The following LYPD6B variants were observed in gnomAD, a reference collection of about 807,000 sequenced individuals.
LYPD6B encodes ly6/PLAUR domain-containing protein 6B.
In LYPD6B, 17 loss-of-function variants were observed where a neutral mutation model predicts 22.8. The observed-to-expected ratio is 0.75, with a 90% CI of 0.51 to 1.12. The LOEUF (loss-of-function observed/expected upper bound fraction) is 1.12, where lower values mean the gene tolerates loss of function less well. LYPD6B is among the 50% of genes most tolerant of loss of function. The pLI, the probability that LYPD6B is intolerant of heterozygous loss-of-function variation, is 0.00. For synonymous variants in LYPD6B, 106 were observed against 91.6 expected (o/e 1.16, Z -0.90); for missense variants, 221 against 258.3 (o/e 0.86, Z 0.99).
chr2:149,211,771 G>A (rs1693868909), intron 5 of LYPD6B, among the ~76,000 whole-genome samples: 1 of 152,080 alleles, frequency 6.6e-6, no homozygotes, highest in African/African-American at 2.4e-5. Flanking sequence ...TGTAGTCTCT[G>A]ATCAGTAAAC....
At chr2:149,191,689 T>C (rs1480215679) in intron 3 of LYPD6B, among the ~76,000 whole-genome samples, 2 of 152,204 alleles carry the variant, frequency 1.3e-5, no homozygotes, top group Non-Finnish European at 2.9e-5. Flanking sequence ...TAATTTACAA[T>C]GCAGCCTTTT....
At position 149,205,330 on chromosome 2, in the gene LYPD6B, A is replaced by C; in HGVS notation, c.155A>C (p.Gln52Pro). The change falls in exon 4 of 7, where the codon CAG becomes CCG. Residue 52 changes from glutamine to proline, a missense_variant. Physicochemically the swap from Gln to Pro is moderately conservative, Grantham distance 76. Transcript: ENST00000409642. ...CACGCTCTCGCTATAGCTGTTGTCC[A>C]GATCGTTATCTTCTCAGAAAGCTGG... is the stretch of plus-strand genomic sequence containing the variant. The part of the protein sequence containing the change: ...LCHALAIAVV[Q>P]IVIFSESWAF... 2 of 1,614,056 alleles carry C rather than the reference A, an allele frequency of 1.2e-6. No homozygotes were observed. The highest frequency in any genetic ancestry group is 1.7e-6 in the Non-Finnish European group (2 of 1,179,882).
intron 1 of LYPD6B, among the ~76,000 whole-genome samples, chr2:149,091,631 T>G (rs1685656660): frequency 6.6e-6 from 1 of 152,106 alleles, no homozygotes; most frequent in Non-Finnish European, 1.5e-5. Context: ...ATTCTTTTTT[T>G]TTTTAAGTAG....
chr2:149,120,549 A>T (rs1687278323), intron 1 of LYPD6B, among the ~76,000 whole-genome samples: 2 of 147,024 alleles, frequency 1.4e-5, no homozygotes, highest in East Asian at 2.0e-4. Flanking sequence ...CACATGCCTA[A>T]TTTTTTTGTA....
intron 1 of LYPD6B, among the ~76,000 whole-genome samples, chr2:149,103,560 G>C (rs560953469): frequency 7.2e-5 from 11 of 152,196 alleles, no homozygotes; most frequent in African/African-American, 2.6e-4. Context: ...ATGTAGTATA[G>C]ATCTGTGAAA....
At chr2:149,123,463 GT>G (rs1167561992) in intron 1 of LYPD6B, among the ~76,000 whole-genome samples, 6 of 152,018 alleles carry the variant, frequency 3.9e-5, no homozygotes, top group Non-Finnish European at 8.8e-5. Flanking sequence ...AGATCTGTAC[GT>G]AACTAAAGTT....
At chr2:149,181,847 TCAA>T (rs1691745051) in intron 3 of LYPD6B, among the ~76,000 whole-genome samples, 1 of 152,202 alleles carries the variant, frequency 6.6e-6, no homozygotes, top group Non-Finnish European at 1.5e-5. Context: ...TATTTTTCAT[TCAA>T]CAATATCCTT....
intron 4 of LYPD6B, 82 bp from the exon 5 acceptor site, chr2:149,208,232 G>A (rs893082731): frequency 1.1e-6 from 1 of 890,544 alleles, no homozygotes; most frequent in Non-Finnish European, 1.9e-6. Flanking sequence ...ATCTGTTAAA[G>A]TTGCTCATTT....
At chr2:149,092,804 A>G (rs754307830) in intron 1 of LYPD6B, among the ~76,000 whole-genome samples, 1 of 152,202 alleles carries the variant, frequency 6.6e-6, no homozygotes, top group South Asian at 2.1e-4. Flanking sequence ...GACCAGTAAG[A>G]TAACAGTAAC....
chr2:149,186,213 G>A (rs1389693413), intron 3 of LYPD6B, among the ~76,000 whole-genome samples: 1 of 152,238 alleles, frequency 6.6e-6, no homozygotes, highest in Non-Finnish European at 1.5e-5. Flanking sequence ...GAATACAAGG[G>A]AGAAGTTCTT....
At position 149,197,563 on chromosome 2, in the gene LYPD6B, C is replaced by T. The variant is rs150230971; in HGVS notation, c.78-7690C>T. Among the ~76,000 whole-genome samples, 384 of 152,186 alleles carry T rather than the reference C, an allele frequency of 2.5e-3. 3 individuals are homozygous for T. The highest frequency in any genetic ancestry group is 4.4e-3 in the Non-Finnish European group (302 of 67,982). On this transcript the variant is annotated intron_variant, in intron 3 of 6. Coordinates refer to ENST00000409642, the MANE Select transcript of LYPD6B (RefSeq NM_177964.5). The stretch of plus-strand genomic sequence containing the variant: ...TGGATGCATCTGGAGGTCCTCAAAA[C>T]GAATTTCAGGTGTTATTCATATGTT...
chr2:149,060,758 G>A (rs1417357407), intron 1 of LYPD6B, among the ~76,000 whole-genome samples: 2 of 152,254 alleles, frequency 1.3e-5, no homozygotes, highest in East Asian at 1.9e-4. Flanking sequence ...TCCTATAGTA[G>A]GAGGAGCTAC....
chr2:149,073,928 A>G lies in LYPD6B; in HGVS notation c.-67+35127A>G, dbSNP rs547563259. ...CAGGGTGACGGCTGTACGAAAGGAGAAGGAGGACAGAAGTGATGGGTCTGG... is the reference window on the plus strand; with the variant it reads ...CAGGGTGACGGCTGTACGAAAGGAGGAGGAGGACAGAAGTGATGGGTCTGG... On this transcript the variant is annotated intron_variant, in intron 1 of 6. Transcript: ENST00000409642. 2.6e-5 allele frequency among the ~76,000 whole-genome samples: 4 copies of G among 152,002 alleles called. 1 individual carries two copies. The South Asian group carries it at 8.3e-4, about 32-fold the overall frequency.
chr2:149,192,837 G>C (rs1032717547), intron 3 of LYPD6B, among the ~76,000 whole-genome samples: 1 of 152,068 alleles, frequency 6.6e-6, no homozygotes, highest in Non-Finnish European at 1.5e-5. Context: ...CCAGGGGAGT[G>C]GGCTTTGCAA....
intron 3 of LYPD6B, among the ~76,000 whole-genome samples, chr2:149,185,481 T>TG (rs1239353530): frequency 6.6e-6 from 1 of 152,046 alleles, no homozygotes; most frequent in Non-Finnish European, 1.5e-5. Flanking sequence ...GTGGTTTTAG[T>TG]GGGGAAAAAT....
chr2:149,083,985 G>T (rs929258879), intron 1 of LYPD6B, among the ~76,000 whole-genome samples: 3 of 151,798 alleles, frequency 2.0e-5, no homozygotes, highest in East Asian at 3.9e-4. Context: ...AGTGGCATGC[G>T]CCTGTAGTCC....
rs1316325988 is a variant in LYPD6B, at chr2:149,205,426, C to T, written c.229+22C>T. 3 of 1,611,670 alleles carry T rather than the reference C, an allele frequency of 1.9e-6. No individual in the cohort carries two copies. The South Asian group carries it at 3.3e-5, about 18-fold the overall frequency. On this transcript the variant is annotated intron_variant, in intron 4 of 6. Transcript: ENST00000409642. The stretch of plus-strand genomic sequence containing the variant: ...GACCGTAAGTAGTGGTGGTTGCCAT[C>T]CTAGTTCATGGCTGTGGGGCCAGAG...
intron 3 of LYPD6B, among the ~76,000 whole-genome samples, chr2:149,202,608 G>T (rs182735009): frequency 6.6e-6 from 1 of 152,102 alleles, no homozygotes; most frequent in South Asian, 2.1e-4. Context: ...TGTTTTGCCC[G>T]CATGTATTGC....
intron 3 of LYPD6B, among the ~76,000 whole-genome samples, chr2:149,163,199 T>C (rs1460351726): frequency 6.6e-6 from 1 of 152,186 alleles, no homozygotes; most frequent in Non-Finnish European, 1.5e-5. Context: ...TGAACTCTCT[T>C]GATTCATAAC....
Sources: gnomAD v4.1 joint callset for allele counts (sites outside exome capture counted in the v4.1 genomes callset) on GRCh38, gnomAD v4.1.1 for gene constraint, MANE v1.5 for transcripts, NCBI Gene and HGNC (gene_info 2026-07-23, HGNC 2026-07-21) for gene names.